Variants in SPC24 observed in about 807,000 individuals in gnomAD.
SPC24 encodes SPC24 component of NDC80 kinetochore complex, also known as kinetochore protein Spc24.
A neutral mutation model predicts 27.6 loss-of-function variants in SPC24; 31 were observed. The ratio of observed to expected loss-of-function variants is 1.12; its 90% CI spans 0.84 to 1.52. The LOEUF (loss-of-function observed/expected upper bound fraction) is 1.52. SPC24 is among the 40% of genes most tolerant of loss of function. The pLI, the probability that SPC24 is intolerant of heterozygous loss-of-function variation, is 0.00. For missense variants in SPC24, 284 were observed against 252.5 expected (o/e 1.12, Z -0.84); for synonymous variants, 105 against 105.8 (o/e 0.99, Z 0.05).
In SPC24 at chr19:11,148,044, C is replaced by A; in HGVS notation, c.379G>T (p.Glu127Ter). The A allele has an allele frequency of 6.2e-7, 1 of 1,613,812 alleles. No individual in the cohort carries two copies. The highest frequency in any genetic ancestry group is 8.5e-7 in the Non-Finnish European group (1 of 1,179,878). Residue 127 changes from glutamate (E) to a stop codon, truncating the protein, a stop_gained, in exon 3 of 5, where the codon GAG (glutamate) becomes TAG (stop). Coordinates refer to ENST00000592540, the MANE Select transcript of SPC24 (RefSeq NM_182513.4). LOFTEE classifies it high-confidence loss of function. ...GAGGGGATTGTGACTGTCGTGTCCT[C>A]GTCGACCTCCTTCTCCTGTCGCTCC... is the stretch of plus-strand genomic sequence containing the variant. ...DLERQEKEVD[E>*]DTTVTIPSAV...
chr19:11,151,893 C>A (rs2077875070), intron 1 of SPC24, among the ~76,000 whole-genome samples: 1 of 150,284 alleles, frequency 6.7e-6, no homozygotes, highest in South Asian at 2.1e-4. Context: ...CAGGTGTGAG[C>A]CACCGCACCA....
chr19:11,155,713 G>A lies in SPC24; in HGVS notation c.64C>T (p.Arg22Cys), dbSNP rs762756979. 1.3e-6 allele frequency: 2 copies of A among 1,574,958 alleles called. No individual in the cohort carries two copies. The highest frequency in any genetic ancestry group is 8.6e-7 in the Non-Finnish European group (1 of 1,168,532). ...QGLLSLLGAN[R>C]AEAQQRRLLG... ...AGCCGTCGCTGCTGCGCCTCCGCGC[G>A]GTTGGCGCCCAGCAGGCTGAGCAGC... The change falls in exon 1 of 5, where the codon CGC becomes TGC. Residue 22 changes from arginine to cysteine, a missense_variant. Physicochemically the swap from Arg to Cys is radical, Grantham distance 180. Coordinates refer to ENST00000592540, the MANE Select transcript of SPC24 (RefSeq NM_182513.4).
At position 11,151,920 on chromosome 19, in the gene SPC24, T is replaced by TA. The variant is rs528389632; in HGVS notation, c.161-2683dup. On this transcript the variant is annotated intron_variant, in intron 1 of 4. Coordinates refer to ENST00000592540, the MANE Select transcript of SPC24 (RefSeq NM_182513.4). Reference sequence around the variant, plus strand: ...ACCGCACCAGGCCTTTTTTTTTTTTTAAACTTTTATTATTATTTTTGAGAC... The same window carrying TA: ...ACCGCACCAGGCCTTTTTTTTTTTTTAAAACTTTTATTATTATTTTTGAGAC... Among the ~76,000 whole-genome samples the TA allele has an allele frequency of 4.2e-3, 632 of 149,764 alleles. 4 individuals are homozygous for TA. The highest frequency in any genetic ancestry group is 9.4e-3 in the South Asian group (44 of 4,690).
chr19:11,152,856 G>A (rs1312073005), intron 1 of SPC24, among the ~76,000 whole-genome samples: 1 of 151,924 alleles, frequency 6.6e-6, no homozygotes, highest in Non-Finnish European at 1.5e-5. Context: ...GCACTCTCCA[G>A]GCCTGGCAGT....
At chr19:11,151,732 C>T (rs556950841) in intron 1 of SPC24, among the ~76,000 whole-genome samples, 3 of 151,816 alleles carry the variant, frequency 2.0e-5, no homozygotes, top group Non-Finnish European at 4.4e-5. Context: ...GCCTCAGCCT[C>T]CTGAGTAGCT....
At chr19:11,151,090 G>A (rs1600790216) in intron 1 of SPC24, among the ~76,000 whole-genome samples, 1 of 149,224 alleles carries the variant, frequency 6.7e-6, no homozygotes, top group Non-Finnish European at 1.5e-5. Context: ...GTGAACCTGG[G>A]AGGCGGAGCT....
At position 11,155,639 on chromosome 19, in the gene SPC24, G is replaced by A. The variant is rs913560220; in HGVS notation, c.138C>T (p.Asp46=). Residue 46 remains aspartate, a synonymous_variant, in exon 1 of 5, where the codon GAC becomes GAT. Transcript: ENST00000592540. ...QVVERLLETQ[D]GAEKQLREIL... ...CACCTCGCAGCTGCTTCTCGGCACC[G>A]TCTTGCGTTTCCAGCAGCCGCTCCA... 7 of 1,550,178 alleles carry A rather than the reference G, an allele frequency of 4.5e-6. No individual in the cohort carries two copies. The Admixed American group carries it at 1.1e-4, about 25-fold the overall frequency.
intron 1 of SPC24, among the ~76,000 whole-genome samples, chr19:11,150,109 C>T (rs1382141985): frequency 3.4e-5 from 5 of 149,126 alleles, no homozygotes; most frequent in Admixed American, 2.0e-4. Flanking sequence ...ATCACTTGAA[C>T]CCAGGAGGTG....
At chr19:11,155,418 G>A (rs1226867449) in intron 1 of SPC24, among the ~76,000 whole-genome samples, 199 bp downstream of exon 1, 1 of 152,180 alleles carries the variant, frequency 6.6e-6, no homozygotes, top group East Asian at 1.9e-4. Context: ...CTAAACCCCT[G>A]GGGGGTGGGG....
In SPC24 at chr19:11,146,767, C is replaced by CAA. The variant is rs747127191; in HGVS notation, c.*414_*415dup. The CAA allele has an allele frequency of 0.042, 3,664 of 87,834 alleles. 134 individuals carry two copies. The highest frequency in any genetic ancestry group is 0.11 in the Admixed American group (819 of 7,712). The allele number at this position is 87,834 out of a possible 1,614,324, so 5.4% of individuals were successfully genotyped here. A position where few individuals can be genotyped will look rare whatever the true frequency, so the allele number is the denominator to read the frequency against. Reference sequence around the variant, plus strand: ...TGGGCGACAGAGTGAGACTCCGTCTCAAAAAAAAAAAAAAAAGGAAGACGT... The same window carrying CAA: ...TGGGCGACAGAGTGAGACTCCGTCTCAAAAAAAAAAAAAAAAAAGGAAGACGT... On this transcript the variant is annotated 3_prime_UTR_variant, in exon 5 of 5. Transcript: ENST00000592540.
intron 1 of SPC24, among the ~76,000 whole-genome samples, chr19:11,149,989 C>T (rs1334811480): frequency 6.6e-6 from 1 of 151,560 alleles, no homozygotes; most frequent in African/African-American, 2.4e-5. Context: ...GGATTACAGG[C>T]GTGAGCCACT....
intron 1 of SPC24, among the ~76,000 whole-genome samples, chr19:11,150,652 T>G (rs1275824922): frequency 6.6e-6 from 1 of 152,002 alleles, no homozygotes; most frequent in African/African-American, 2.4e-5. Flanking sequence ...AAAAATTAGC[T>G]GGGCATTGTG....
At chr19:11,150,117 G>A (rs933669229) in intron 1 of SPC24, among the ~76,000 whole-genome samples, 3 of 150,228 alleles carry the variant, frequency 2.0e-5, no homozygotes, top group Non-Finnish European at 4.4e-5. Flanking sequence ...AACCCAGGAG[G>A]TGGAGGCTGC....
At chr19:11,153,533 G>A (rs1027241579) in intron 1 of SPC24, among the ~76,000 whole-genome samples, 3 of 151,548 alleles carry the variant, frequency 2.0e-5, no homozygotes, top group South Asian at 2.1e-4. Flanking sequence ...AGACCGAGGC[G>A]GGCGGATCAC....
intron 1 of SPC24, among the ~76,000 whole-genome samples, chr19:11,155,329 G>C (rs536354665): frequency 6.6e-6 from 1 of 152,242 alleles, no homozygotes; most frequent in African/African-American, 2.4e-5. Flanking sequence ...CTGAGCCCCA[G>C]TTCAAACCCT....
At chr19:11,151,547 AC>A (rs1297482087) in intron 1 of SPC24, among the ~76,000 whole-genome samples, 2 of 148,764 alleles carry the variant, frequency 1.3e-5, no homozygotes, top group African/African-American at 5.0e-5. Flanking sequence ...AGTAATCTCT[AC>A]CCCATGGCTG....
chr19:11,151,907 CTT>C (rs34224957), intron 1 of SPC24, among the ~76,000 whole-genome samples: 1 of 143,320 alleles, frequency 7.0e-6, no homozygotes, highest in African/African-American at 2.6e-5. Context: ...CGCACCAGGC[CTT>C]TTTTTTTTTT....
At chr19:11,148,259 G>C (rs534440194) in intron 2 of SPC24, 142 bp from the exon 3 acceptor site, 1 of 629,998 alleles carries the variant, frequency 1.6e-6, no homozygotes, top group African/African-American at 1.8e-5. Context: ...CCAGGCTGGA[G>C]TGCAGTGGCA....
At chr19:11,155,585 C>A (rs751047546) in intron 1 of SPC24, 32 bp downstream of exon 1, 1 of 1,528,164 alleles carries the variant, frequency 6.5e-7, no homozygotes, top group Non-Finnish European at 8.7e-7. Context: ...GCCCCTTCCC[C>A]CGTGGGCCCG....
Sources: allele counts gnomAD v4.1 joint callset (sites outside exome capture counted in the v4.1 genomes callset), GRCh38; gene constraint gnomAD v4.1.1; transcripts MANE v1.5; gene names NCBI Gene and HGNC (gene_info 2026-07-23, HGNC 2026-07-21).